ZNF561: variants seen among roughly 807,000 people sequenced by gnomAD.
ZNF561 encodes zinc finger protein 561.
ZNF561 carries 16 observed loss-of-function variants against 16.7 expected under a neutral mutation model. The observed-to-expected ratio is 0.96, with a 90% confidence interval of 0.65 to 1.45. The LOEUF (loss-of-function observed/expected upper bound fraction) is 1.45. Ranked by LOEUF, ZNF561 falls within the 40% of genes most tolerant of loss-of-function variation. The probability of loss-of-function intolerance (pLI) is 0.00; values close to 1 mark genes in which losing one functional copy is unlikely to be tolerated. For synonymous variants in ZNF561, 190 were observed against 192.1 expected (o/e 0.99, Z 0.09); for missense variants, 580 against 578.0 (o/e 1.00, Z -0.04).
Position 9,611,193 on chromosome 19 carries a change from G to A in ZNF561, c.468C>T (p.Leu156=), listed in dbSNP as rs141391464. 3.2e-5 allele frequency: 51 copies of A among 1,613,808 alleles called. No homozygotes were observed. Among genetic ancestry groups the A allele is most frequent in the Non-Finnish European group, 4.2e-5 (50 of 1,179,856 alleles). Residue 156 remains leucine, a synonymous_variant, in exon 6 of 6, where the codon CTC becomes CTT. Coordinates refer to ENST00000302851, the MANE Select transcript of ZNF561 (RefSeq NM_152289.3). ...SEGNCYGKDT[L]SVHKEASTGQ... is the part of the protein sequence containing the mutation. ...CAGTAGAGGCTTCCTTGTGCACACT[G>A]AGGGTGTCTTTTCCATAACAATTAC... is the stretch of plus-strand genomic sequence containing the variant.
At chr19:9,619,935 T>G (rs2074638074) in intron 1 of ZNF561, among the ~76,000 whole-genome samples, 1 of 146,168 alleles carries the variant, frequency 6.8e-6, no homozygotes, top group Non-Finnish European at 1.5e-5. Flanking sequence ...TCTATCTATC[T>G]ATCTATCTAT....
In ZNF561 at chr19:9,609,545, A is replaced by G. The variant is rs1318933692; in HGVS notation, c.*655T>C. 2 of 152,268 alleles carry G rather than the reference A, an allele frequency of 1.3e-5. No individual in the cohort carries two copies. The highest frequency in any genetic ancestry group is 3.8e-4 in the East Asian group (2 of 5,196). 9.4% of individuals were successfully genotyped at this position (152,268 alleles called of 1,614,324 possible). A position where few individuals can be genotyped will look rare whatever the true frequency, so the allele number is the denominator to read the frequency against. ...ACGATCATCTGATAAAGAGATCATG[A>G]GTGGGATTCATGGACTATATCAGCC... On this transcript the variant is annotated 3_prime_UTR_variant, in exon 6 of 6. Transcript: ENST00000302851.
intron 2 of ZNF561, 53 bp downstream of exon 2, chr19:9,619,379 T>A (rs1434105968): frequency 1.2e-6 from 2 of 1,601,410 alleles, no homozygotes; most frequent in East Asian, 4.5e-5. Context: ...GCTTGTGTTG[T>A]GGAGGGTGAC....
rs750797267 is a variant in ZNF561 at position 9,610,279 on chromosome 19, G to A, written c.1382C>T (p.Ser461Phe). 3.1e-6 allele frequency: 5 copies of A among 1,614,070 alleles called. No homozygotes were observed. Among genetic ancestry groups the A allele is most frequent in the Non-Finnish European group, 4.2e-6 (5 of 1,179,980 alleles). Reference protein sequence around the residue: ...CKECGKAFAVSSRLSRHERIH... With the variant: ...CKECGKAFAVFSRLSRHERIH... Reference sequence around the variant, plus strand: ...TCTTTCATGTCTACTTAGGCGTGAGGAAACAGCAAATGCTTTCCCACATTC... The same window carrying A: ...TCTTTCATGTCTACTTAGGCGTGAGAAAACAGCAAATGCTTTCCCACATTC... The change falls in exon 6 of 6, where the codon TCC becomes TTC. Residue 461 changes from serine to phenylalanine, a missense_variant. Transcript: ENST00000302851.
In ZNF561 at chr19:9,610,016, TC is replaced by T. The variant is rs2074416443; in HGVS notation, c.*183del. 1 of 577,994 alleles carries T rather than the reference TC, an allele frequency of 1.7e-6. No homozygotes were observed. The highest frequency in any genetic ancestry group is 3.0e-6 in the Non-Finnish European group (1 of 332,960). 35.8% of individuals were successfully genotyped at this position (577,994 alleles called of 1,614,324 possible). A position where few individuals can be genotyped will look rare whatever the true frequency, so the allele number is the denominator to read the frequency against. On this transcript the variant is annotated 3_prime_UTR_variant, in exon 6 of 6. Coordinates refer to ENST00000302851, the MANE Select transcript of ZNF561 (RefSeq NM_152289.3). ...TACTGACCTCACCATCCATGACCCT[TC>T]TTCACAGATGCCCAGACTCAGGCAA...
chr19:9,619,437 G>C lies in ZNF561; in HGVS notation c.20C>G (p.Ser7Cys). 6.2e-7 allele frequency: 1 copy of C among 1,613,368 alleles called. No individual in the cohort carries two copies. Among genetic ancestry groups the C allele is most frequent in the Non-Finnish European group, 8.5e-7 (1 of 1,179,560 alleles). MAAIYL[S>C]RGFFSREPIC... ...GAGCATCAACAAAGACTTACCACGG[G>C]ACAAATAAATGGCTGCCATTCTCTG... Residue 7 changes from serine to cysteine, a missense_variant, in exon 2 of 6, where the codon TCC (serine) becomes TGC (cysteine). Physicochemically the swap from Ser to Cys is moderately radical, Grantham distance 112 (BLOSUM62 -1). Coordinates refer to ENST00000302851, the MANE Select transcript of ZNF561 (RefSeq NM_152289.3).
At chr19:9,612,750 CA>C (rs2074483905) in intron 5 of ZNF561, among the ~76,000 whole-genome samples, 2 of 152,168 alleles carry the variant, frequency 1.3e-5, no homozygotes, top group South Asian at 4.1e-4. Flanking sequence ...AATTCTACGC[CA>C]CTGGCTCTAA....
rs778645684 is a variant in ZNF561, at chr19:9,610,163, G to A, written c.*37C>T. 1.3e-6 allele frequency: 2 copies of A among 1,510,386 alleles called. No individual in the cohort carries two copies. The highest frequency in any genetic ancestry group is 4.1e-5 in the Admixed American group (2 of 48,746). The allele number at this position is 1,510,386 out of a possible 1,614,324, so 93.6% of individuals were successfully genotyped here. On this transcript the variant is annotated 3_prime_UTR_variant, in exon 6 of 6. Coordinates refer to ENST00000302851, the MANE Select transcript of ZNF561 (RefSeq NM_152289.3). ...TTTAGGACAAATCTGATAATCTTTG[G>A]TGTCATTGCCAATAATTAAAGATGG...
At chr19:9,612,082 C>T (rs927509842) in intron 5 of ZNF561, among the ~76,000 whole-genome samples, 1 of 152,056 alleles carries the variant, frequency 6.6e-6, no homozygotes, top group African/African-American at 2.4e-5. Context: ...CATGGGTCAC[C>T]ATGCCTGGCT....
rs2074432084 is a variant in ZNF561 at position 9,610,628 on chromosome 19, C to G, written c.1033G>C (p.Ala345Pro). 1 of 1,613,840 alleles carries G rather than the reference C, an allele frequency of 6.2e-7. No homozygotes were observed. Among genetic ancestry groups the G allele is most frequent in the Non-Finnish European group, 8.5e-7 (1 of 1,179,924 alleles). Reference sequence around the variant, plus strand: ...GAAAGGCCCGAGTACTGAGCAAAGGCTTGGCCACATTCCTTACATTCATAG... The same window carrying G: ...GAAAGGCCCGAGTACTGAGCAAAGGGTTGGCCACATTCCTTACATTCATAG... Reference protein sequence around the residue: ...KPYECKECGQAFAQYSGLSIH... With the variant: ...KPYECKECGQPFAQYSGLSIH... Residue 345 changes from alanine to proline, a missense_variant, in exon 6 of 6, where the codon GCC (alanine) becomes CCC (proline). Coordinates refer to ENST00000302851, the MANE Select transcript of ZNF561 (RefSeq NM_152289.3).
At chr19:9,618,445 G>A (rs865905288) in intron 2 of ZNF561, among the ~76,000 whole-genome samples, 55 of 152,268 alleles carry the variant, frequency 3.6e-4, no homozygotes, top group East Asian at 1.4e-3. Flanking sequence ...TGTGACTCTC[G>A]TCCAGGTGCG....
intron 1 of ZNF561, chr19:9,620,842 A>C (rs2074660186): frequency 6.6e-6 from 1 of 152,348 alleles, no homozygotes; most frequent in African/African-American, 2.4e-5. Context: ...CAGGAGTTCA[A>C]GACCAGCCTG....
intron 4 of ZNF561, among the ~76,000 whole-genome samples, chr19:9,616,180 GTC>G (rs1397981203): frequency 6.6e-6 from 1 of 152,226 alleles, no homozygotes; most frequent in Middle Eastern, 3.2e-3. Context: ...CTTTGGGACT[GTC>G]TCTGTTATTC....
chr19:9,619,762 G>A (rs1423464319), intron 1 of ZNF561, among the ~76,000 whole-genome samples, 180 bp from the exon 2 acceptor site: 1 of 152,144 alleles, frequency 6.6e-6, no homozygotes, highest in African/African-American at 2.4e-5. Context: ...TGATATGTCA[G>A]AAGTAGCTCT....
chr19:9,610,797 T>C lies in ZNF561; in HGVS notation c.864A>G (p.Arg288=), dbSNP rs2074437277. The change falls in exon 6 of 6, where the codon AGA becomes AGG. Residue 288 remains arginine (R), a synonymous_variant. Transcript: ENST00000302851. ...TAAGGCATGAGGAATTTCTAAAGGA[T>C]CTTCCACATTCTTTACATTCAAAGG... ...EKSFECKECG[R]SFRNSSCLND... The C allele has an allele frequency of 6.2e-7, 1 of 1,614,072 alleles. No individual in the cohort carries two copies. The highest frequency in any genetic ancestry group is 8.5e-7 in the Non-Finnish European group (1 of 1,179,964).
chr19:9,617,286 G>T, intron 3 of ZNF561, 115 bp from the exon 4 acceptor site: 1 of 1,420,052 alleles, frequency 7.0e-7, no homozygotes. Context: ...GGTCTCCCAT[G>T]ATCTACTCCA....
chr19:9,615,639 G>A (rs2074540825), intron 4 of ZNF561, among the ~76,000 whole-genome samples: 1 of 150,486 alleles, frequency 6.6e-6, no homozygotes, highest in Admixed American at 6.6e-5. Context: ...GGGTGCAGTG[G>A]CTTACACCAT....
At chr19:9,611,386 G>A (rs749020894) in intron 5 of ZNF561, 50 bp from the exon 6 acceptor site, 2 of 1,535,448 alleles carry the variant, frequency 1.3e-6, no homozygotes, top group Non-Finnish European at 1.8e-6. Flanking sequence ...CATATTAAGA[G>A]ATTTCACCCA....
chr19:9,621,092 G>A (rs2144914614), intron 1 of ZNF561, 70 bp downstream of exon 1: 1 of 152,908 alleles, frequency 6.5e-6, no homozygotes, highest in African/African-American at 2.4e-5. Flanking sequence ...GAGGCTCCTA[G>A]GCGACAGCGC....
Sources: allele counts gnomAD v4.1 joint callset (sites outside exome capture counted in the v4.1 genomes callset), GRCh38; gene constraint gnomAD v4.1.1; transcripts MANE v1.5; gene names NCBI Gene and HGNC (gene_info 2026-07-23, HGNC 2026-07-21).